Variants in SYNE2 observed in about 807,000 individuals in gnomAD.
The protein encoded by SYNE2 is spectrin repeat containing nuclear envelope protein 2.
In SYNE2, 431 loss-of-function variants were observed where a neutral mutation model predicts 856.3. The ratio of observed to expected loss-of-function variants is 0.50; its 90% CI spans 0.47 to 0.55. SYNE2 has a LOEUF of 0.55. Ranked by LOEUF, SYNE2 falls within the 20% of genes least tolerant of loss-of-function variation. SYNE2 has a pLI of 0.00. For missense variants in SYNE2, 8,129 were observed against 8,023.2 expected, an observed-to-expected ratio of 1.01 and a Z score of -0.50; for synonymous variants, 2,923 against 2,872.3, an observed-to-expected ratio of 1.02 and a Z score of -0.56.
intron 13 of SYNE2, among the ~76,000 whole-genome samples, chr14:63,978,510 A>T (rs1185362888): frequency 6.6e-6 from 1 of 152,250 alleles, no homozygotes; most frequent in Non-Finnish European, 1.5e-5. Context: ...AAAACTTTTA[A>T]TATATAAACT....
chr14:64,132,813 C>T (rs886556332), intron 77 of SYNE2, among the ~76,000 whole-genome samples: 7 of 152,118 alleles, frequency 4.6e-5, no homozygotes, highest in Admixed American at 2.6e-4. Context: ...CTTGTCTAAA[C>T]TCAAAGAAAA....
chr14:64,067,209 T>A lies in SYNE2; in HGVS notation c.10431+1559T>A, dbSNP rs543152872. Among the ~76,000 whole-genome samples, 7 of 151,934 alleles carry A rather than the reference T, an allele frequency of 4.6e-5. No homozygotes were observed. In the East Asian group the frequency reaches 1.3e-3, roughly 29 times the overall value. ...AAGAGTAGCACAAGCAAAAAAAAAA[T>A]GCTTCCCTGTAATAACAATAATAAA... On this transcript the variant is annotated intron_variant, in intron 51 of 115. Coordinates refer to ENST00000555002, the MANE Select transcript of SYNE2 (RefSeq NM_182914.3).
chr14:64,082,018 G>A (rs1452262824), intron 57 of SYNE2, among the ~76,000 whole-genome samples: 5 of 151,960 alleles, frequency 3.3e-5, no homozygotes, highest in African/African-American at 4.8e-5. Flanking sequence ...CCCAGGAGGC[G>A]GAGCTTGCAG....
chr14:63,839,402 A>G (rs988905446), intron 1 of SYNE2, among the ~76,000 whole-genome samples: 4 of 152,028 alleles, frequency 2.6e-5, no homozygotes, highest in Non-Finnish European at 5.9e-5. Flanking sequence ...AATTTTTCTG[A>G]TTACTAATAA....
intron 1 of SYNE2, among the ~76,000 whole-genome samples, chr14:63,813,323 T>C (rs1414484246): frequency 6.6e-6 from 1 of 152,224 alleles, no homozygotes; most frequent in Non-Finnish European, 1.5e-5. Flanking sequence ...TAGAAAACTA[T>C]AGCACGTGTG....
chr14:64,207,863 G>A (rs2098615590), intron 100 of SYNE2: 1 of 376,820 alleles, frequency 2.7e-6, no homozygotes, highest in African/African-American at 2.1e-5. Flanking sequence ...TTAATGCTGT[G>A]GTCTCATGTC....
In SYNE2 at chr14:64,219,096, G is replaced by GTTTT. The variant is rs1214967482; in HGVS notation, c.19658-108_19658-105dup. On this transcript the variant is annotated intron_variant, in intron 109 of 115. Coordinates refer to ENST00000555002, the MANE Select transcript of SYNE2 (RefSeq NM_182914.3). ...CCTTCTGTCAGGGGAATCCCCTACAGTTTTTTTGTTTTTTTTTTTTTTTTT... is the reference window on the plus strand; with the variant it reads ...CCTTCTGTCAGGGGAATCCCCTACAGTTTTTTTTTTTGTTTTTTTTTTTTTTTTT... 351 of 757,922 alleles carry GTTTT rather than the reference G, an allele frequency of 4.6e-4. 4 individuals are homozygous for GTTTT. The highest frequency in any genetic ancestry group is 1.3e-3 in the African/African-American group (47 of 35,744). 46.9% of individuals were successfully genotyped at this position (757,922 alleles called of 1,614,324 possible).
chr14:63,853,326 G>A (rs1284893363), intron 1 of SYNE2, among the ~76,000 whole-genome samples, 183 bp downstream of exon 1: 1 of 151,894 alleles, frequency 6.6e-6, no homozygotes, highest in Non-Finnish European at 1.5e-5. Flanking sequence ...CTCGGGTGGG[G>A]AGAGCGGGGT....
At chr14:64,122,577 G>A in intron 70 of SYNE2, 150 bp downstream of exon 70, 1 of 1,007,354 alleles carries the variant, frequency 9.9e-7, no homozygotes, top group East Asian at 2.6e-5. Flanking sequence ...TTGGAAACCT[G>A]CATTAGGAAC....
At chr14:64,059,752 C>T (rs2097301765) in intron 49 of SYNE2, among the ~76,000 whole-genome samples, 1 of 152,238 alleles carries the variant, frequency 6.6e-6, no homozygotes, top group South Asian at 2.1e-4. Context: ...TTGTGTCCTT[C>T]CCTTAAGGGT....
intron 45 of SYNE2, among the ~76,000 whole-genome samples, chr14:64,044,598 T>C (rs2097172440): frequency 6.6e-6 from 1 of 152,176 alleles, no homozygotes; most frequent in South Asian, 2.1e-4. Context: ...AAATCTCATC[T>C]TGAATTGTAA....
chr14:64,066,504 A>G (rs900026007), intron 51 of SYNE2, among the ~76,000 whole-genome samples: 1 of 152,234 alleles, frequency 6.6e-6, no homozygotes, highest in African/African-American at 2.4e-5. Flanking sequence ...CACTGTCTCA[A>G]AAACAAACAA....
intron 1 of SYNE2, among the ~76,000 whole-genome samples, chr14:63,892,288 C>T (rs916625165): frequency 1.3e-5 from 2 of 151,998 alleles, no homozygotes; most frequent in African/African-American, 4.8e-5. Context: ...CAGAATTTTG[C>T]CAGCTGTACT....
rs74406318 is a variant in SYNE2, at chr14:63,925,766, G to A, written c.80-14848G>A. 4.9e-3 allele frequency among the ~76,000 whole-genome samples: 745 copies of A among 152,216 alleles called. 4 individuals carry two copies. The highest frequency in any genetic ancestry group is 0.016 in the African/African-American group (682 of 41,536). On this transcript the variant is annotated intron_variant, in intron 2 of 115. Transcript: ENST00000555002. ...CCACAGATAAGTGAAATCATGTGAC[G>A]TTCTTTCTGTGCCTAGGTTATTTCA...
Position 63,979,002 on chromosome 14 carries a change from G to A in SYNE2, c.1557G>A (p.Leu519=), listed in dbSNP as rs767126734. Reference sequence around the variant, plus strand: ...GCAGAGAATCTGTGGAATTATTGCTGGAAGACTGGCATGTAAGCTTTTCAA... The same window carrying A: ...GCAGAGAATCTGTGGAATTATTGCTAGAAGACTGGCATGTAAGCTTTTCAA... ...YGSRESVELL[L]EDWHKFIEEK... The change falls in exon 14 of 116, where the codon CTG becomes CTA. Residue 519 remains leucine (L), a synonymous_variant. Coordinates refer to ENST00000555002, the MANE Select transcript of SYNE2 (RefSeq NM_182914.3). The A allele has an allele frequency of 6.2e-7, 1 of 1,613,720 alleles. No homozygotes were observed. The highest frequency in any genetic ancestry group is 8.5e-7 in the Non-Finnish European group (1 of 1,179,800).
intron 109 of SYNE2, among the ~76,000 whole-genome samples, chr14:64,218,799 G>A (rs1319656186): frequency 6.6e-6 from 1 of 152,192 alleles, no homozygotes; most frequent in Non-Finnish European, 1.5e-5. Context: ...CAGACTTGAG[G>A]ATGATGATCA....
intron 1 of SYNE2, among the ~76,000 whole-genome samples, chr14:63,827,486 G>T (rs1566592791): frequency 6.6e-6 from 1 of 151,178 alleles, no homozygotes. Flanking sequence ...TTAGCCGGGT[G>T]TGGTGGCGCA....
At chr14:63,947,510 A>G (rs2096055017) in intron 6 of SYNE2, among the ~76,000 whole-genome samples, 2 of 152,152 alleles carry the variant, frequency 1.3e-5, no homozygotes, top group Admixed American at 1.3e-4. Context: ...CTTTTTTCAT[A>G]TGGCTATCCA....
At chr14:64,201,336 C>T (rs533516505) in intron 99 of SYNE2, among the ~76,000 whole-genome samples, 3 of 152,262 alleles carry the variant, frequency 2.0e-5, no homozygotes, top group Non-Finnish European at 2.9e-5. Flanking sequence ...GAAGTCAGTC[C>T]CATGGAAGTG....
Sources: allele counts gnomAD v4.1 joint callset (sites outside exome capture counted in the v4.1 genomes callset), GRCh38; gene constraint gnomAD v4.1.1; transcripts MANE v1.5; gene names NCBI Gene and HGNC (gene_info 2026-07-23, HGNC 2026-07-21).